TMPRSS15: variants seen among roughly 807,000 people sequenced by gnomAD.
TMPRSS15 encodes the protein transmembrane serine protease 15.
TMPRSS15 carries 128 observed loss-of-function variants against 125.3 expected under a neutral mutation model. That is an observed-to-expected ratio of 1.02 (90% CI 0.89 to 1.18). The LOEUF is 1.18. Among genes scored for constraint, TMPRSS15 ranks in the 50% most tolerant of loss-of-function variants. The probability of loss-of-function intolerance (pLI) is 0.00; values close to 1 mark genes in which losing one functional copy is unlikely to be tolerated. For missense variants in TMPRSS15, 1,283 were observed against 1,212.7 expected (o/e 1.06, Z -0.86); for synonymous variants, 446 against 423.2 (o/e 1.05, Z -0.66).
chr21:18,450,610 C>T (rs998106443), intron 1 of TMPRSS15, among the ~76,000 whole-genome samples: 2 of 152,074 alleles, frequency 1.3e-5, no homozygotes, highest in African/African-American at 4.8e-5. Flanking sequence ...CTGGACTGTG[C>T]TCTGGTAAAT....
intron 1 of TMPRSS15, among the ~76,000 whole-genome samples, chr21:18,478,579 C>T (rs566851851): frequency 4.6e-5 from 7 of 151,972 alleles, no homozygotes; most frequent in Admixed American, 1.3e-4. Flanking sequence ...CACAAACATC[C>T]TCTGTTTCAG....
intron 16 of TMPRSS15, among the ~76,000 whole-genome samples, chr21:18,316,263 C>T (rs1369608795): frequency 2.6e-5 from 4 of 152,110 alleles, no homozygotes; most frequent in African/African-American, 7.2e-5. Flanking sequence ...ACCTCTTCCT[C>T]GTAATTTCGT....
intron 17 of TMPRSS15, among the ~76,000 whole-genome samples, chr21:18,314,561 A>G (rs1228104311): frequency 6.6e-6 from 1 of 152,092 alleles, no homozygotes; most frequent in Non-Finnish European, 1.5e-5. Flanking sequence ...TATAGGCGTG[A>G]GCCACTGCGC....
At chr21:18,292,826 G>A (rs897052127) in intron 21 of TMPRSS15, among the ~76,000 whole-genome samples, 7 of 152,172 alleles carry the variant, frequency 4.6e-5, no homozygotes, top group Non-Finnish European at 8.8e-5. Context: ...ATGTTTAGAA[G>A]GGGATGGAAA....
rs1555907561 is a variant in TMPRSS15, at chr21:18,380,166, G to GTCAC, written c.497-852_497-849dup. On this transcript the variant is annotated intron_variant, in intron 4 of 24. Coordinates refer to ENST00000284885, the MANE Select transcript of TMPRSS15 (RefSeq NM_002772.3). The stretch of plus-strand genomic sequence containing the variant: ...ATGATTTGGAGCCGTTTATGGAGAT[G>GTCAC]TCACACACACACACACACACACACA... Among the ~76,000 whole-genome samples the GTCAC allele has an allele frequency of 8.0e-3, 676 of 84,640 alleles. 6 individuals are homozygous for GTCAC. Among genetic ancestry groups the GTCAC allele is most frequent in the African/African-American group, 0.031 (641 of 20,542 alleles). The allele number at this position is 84,640 out of a possible 152,430, so 55.5% of individuals were successfully genotyped here.
intron 18 of TMPRSS15, among the ~76,000 whole-genome samples, chr21:18,311,892 A>G (rs2075104331): frequency 6.6e-6 from 1 of 152,156 alleles, no homozygotes; most frequent in Non-Finnish European, 1.5e-5. Flanking sequence ...GTTTTTATAG[A>G]TTGGTATATG....
chr21:18,416,560 GC>G (rs1466242275), intron 1 of TMPRSS15, among the ~76,000 whole-genome samples: 7 of 151,920 alleles, frequency 4.6e-5, no homozygotes, highest in Non-Finnish European at 1.0e-4. Context: ...GAAGACATTG[GC>G]CCCTTGTACC....
At chr21:18,394,942 C>T (rs932923405) in intron 3 of TMPRSS15, among the ~76,000 whole-genome samples, 3 of 151,928 alleles carry the variant, frequency 2.0e-5, no homozygotes, top group African/African-American at 7.3e-5. Flanking sequence ...ACATGCATAA[C>T]CATTAAAAAG....
intron 17 of TMPRSS15, among the ~76,000 whole-genome samples, chr21:18,313,395 G>C (rs2075123309): frequency 6.7e-6 from 1 of 150,166 alleles, no homozygotes; most frequent in Non-Finnish European, 1.5e-5. Context: ...CACATTCTCT[G>C]TATATACATT....
At chr21:18,304,612 T>A (rs2075009896) in intron 18 of TMPRSS15, among the ~76,000 whole-genome samples, 1 of 152,162 alleles carries the variant, frequency 6.6e-6, no homozygotes, top group African/African-American at 2.4e-5. Flanking sequence ...ATTAGCAACA[T>A]CTATAATATG....
chr21:18,469,231 A>G (rs555447182), intron 1 of TMPRSS15, among the ~76,000 whole-genome samples: 59 of 152,266 alleles, frequency 3.9e-4, no homozygotes, highest in Admixed American at 7.9e-4. Context: ...GTAATAAAAG[A>G]AGGAGATCAC....
At chr21:18,291,374 G>A (rs1005863241) in intron 21 of TMPRSS15, among the ~76,000 whole-genome samples, 1 of 152,162 alleles carries the variant, frequency 6.6e-6, no homozygotes, top group African/African-American at 2.4e-5. Context: ...TAGAGAAACC[G>A]AACAGGCACA....
chr21:18,439,605 G>A (rs1446341716), intron 1 of TMPRSS15, among the ~76,000 whole-genome samples: 2 of 152,004 alleles, frequency 1.3e-5, no homozygotes, highest in Non-Finnish European at 2.9e-5. Context: ...ATAGAAATAG[G>A]GTTTTGAATG....
chr21:18,327,994 A>G lies in TMPRSS15; in HGVS notation c.1780+1175T>C, dbSNP rs2075309821. On this transcript the variant is annotated intron_variant, in intron 15 of 24. Transcript: ENST00000284885. ...CTTAAACCAAGGAGATAGAGGTTTCAGTGAGCTGAGATCGCACCACTGCAC... is the reference window on the plus strand; with the variant it reads ...CTTAAACCAAGGAGATAGAGGTTTCGGTGAGCTGAGATCGCACCACTGCAC... Among the ~76,000 whole-genome samples the G allele has an allele frequency of 2.0e-5, 3 of 152,148 alleles. No individual in the cohort carries two copies. The South Asian group carries it at 6.2e-4, about 32-fold the overall frequency.
At chr21:18,472,458 TATA>T (rs1978799548) in intron 1 of TMPRSS15, among the ~76,000 whole-genome samples, 1 of 4,752 alleles carries the variant, frequency 2.1e-4, no homozygotes, top group African/African-American at 2.8e-4. Context: ...AAAAGAATTA[TATA>T]TATATATATA....
chr21:18,322,343 A>T (rs775115068), intron 16 of TMPRSS15, among the ~76,000 whole-genome samples: 3 of 152,184 alleles, frequency 2.0e-5, no homozygotes, highest in Non-Finnish European at 2.9e-5. Flanking sequence ...TAAAAATATA[A>T]CTACCATATA....
chr21:18,303,747 G>A (rs1255633332), intron 18 of TMPRSS15, among the ~76,000 whole-genome samples: 1 of 152,090 alleles, frequency 6.6e-6, no homozygotes, highest in African/African-American at 2.4e-5. Flanking sequence ...ATTTGTAATT[G>A]TGCCAAAACA....
At chr21:18,434,120 T>C (rs1845894243) in intron 1 of TMPRSS15, among the ~76,000 whole-genome samples, 2 of 152,202 alleles carry the variant, frequency 1.3e-5, no homozygotes, top group South Asian at 4.1e-4. Flanking sequence ...ATATTTTATT[T>C]TGGCTAGTAT....
intron 18 of TMPRSS15, among the ~76,000 whole-genome samples, chr21:18,302,470 C>T (rs1487707084): frequency 6.6e-6 from 1 of 152,170 alleles, no homozygotes; most frequent in Non-Finnish European, 1.5e-5. Context: ...CCATGTATTG[C>T]ATTTATAACA....
Sources: gnomAD v4.1 joint callset for allele counts (sites outside exome capture counted in the v4.1 genomes callset) on GRCh38, gnomAD v4.1.1 for gene constraint, MANE v1.5 for transcripts, NCBI Gene and HGNC (gene_info 2026-07-23, HGNC 2026-07-21) for gene names.